TES: variants seen among roughly 807,000 people sequenced by gnomAD.
TES encodes testin LIM domain protein.
A neutral mutation model predicts 48.2 loss-of-function variants in TES; 41 were observed. The ratio of observed to expected loss-of-function variants is 0.85; its 90% CI spans 0.66 to 1.10. The LOEUF is 1.10. TES is among the 50% of genes least tolerant of loss of function. The pLI is 0.00. For missense variants in TES, 463 were observed against 515.1 expected (o/e 0.90, Z 0.98); for synonymous variants, 162 against 174.9 (o/e 0.93, Z 0.58).
At chr7:116,237,772 G>C (rs1245627614) in intron 2 of TES, among the ~76,000 whole-genome samples, 5 of 152,146 alleles carry the variant, frequency 3.3e-5, no homozygotes, top group Non-Finnish European at 7.4e-5. Flanking sequence ...TTCTGGTGAG[G>C]TCTCTCTTCC....
At chr7:116,231,814 G>A (rs1421758803) in intron 1 of TES, among the ~76,000 whole-genome samples, 1 of 152,140 alleles carries the variant, frequency 6.6e-6, no homozygotes, top group Non-Finnish European at 1.5e-5. Flanking sequence ...ATGCTGGTCA[G>A]CTGTGAAGCA....
At position 116,252,387 on chromosome 7, in the gene TES, G is replaced by C. The variant is rs778525930; in HGVS notation, c.988G>C (p.Asp330His). 1.2e-6 allele frequency: 2 copies of C among 1,614,210 alleles called. No individual in the cohort carries two copies. Among genetic ancestry groups the C allele is most frequent in the South Asian group, 2.2e-5 (2 of 91,078 alleles). ...GCACCTGAAACACTTCTGCTGCTTTGACTGTGATAGCATTCTAGCTGGGGA... is the reference window on the plus strand; with the variant it reads ...GCACCTGAAACACTTCTGCTGCTTTCACTGTGATAGCATTCTAGCTGGGGA... Reference protein sequence around the residue: ...NWHLKHFCCFDCDSILAGEIY... With the variant: ...NWHLKHFCCFHCDSILAGEIY... Residue 330 changes from aspartate to histidine, a missense_variant, in exon 6 of 7, where the codon GAC becomes CAC. Coordinates refer to ENST00000358204, the MANE Select transcript of TES (RefSeq NM_015641.4).
In TES at chr7:116,254,611, C is replaced by G. The variant is rs528514494; in HGVS notation, c.1077+2135C>G. On this transcript the variant is annotated intron_variant, in intron 6 of 6. Transcript: ENST00000358204. ...ATTAGCTGGGCGTGGTGGCAGGTGC[C>G]TGTAATTCCAGCTACTTGGGAGGCT... 1.3e-4 allele frequency among the ~76,000 whole-genome samples: 20 copies of G among 152,110 alleles called. No individual in the cohort carries two copies. In the South Asian group the frequency reaches 4.2e-3, roughly 32 times the overall value.
chr7:116,238,074 T>C (rs1799796959), intron 2 of TES: 1 of 152,232 alleles, frequency 6.6e-6, no homozygotes, highest in Non-Finnish European at 1.5e-5. Flanking sequence ...CCCCAAGTTG[T>C]TAGGAATCAT....
intron 2 of TES, 128 bp from the exon 3 acceptor site, chr7:116,248,890 TAA>T: frequency 5.4e-6 from 5 of 918,382 alleles, no homozygotes; most frequent in Non-Finnish European, 7.7e-6. Flanking sequence ...TTCTCCCTCC[TAA>T]AAAAGGACTT....
At chr7:116,249,954 A>G (rs1176730849) in intron 3 of TES, 1 of 395,416 alleles carries the variant, frequency 2.5e-6, no homozygotes, top group Non-Finnish European at 4.5e-6. Context: ...ATATAATTTC[A>G]TGGAGAGAAA....
chr7:116,211,325 G>A (rs886858763), intron 1 of TES: 1 of 152,214 alleles, frequency 6.6e-6, no homozygotes, highest in Admixed American at 6.5e-5. Flanking sequence ...CCGAGGCAGT[G>A]CCTCCCTCTT....
chr7:116,248,747 C>T (rs1799961143), intron 2 of TES, among the ~76,000 whole-genome samples: 2 of 152,014 alleles, frequency 1.3e-5, no homozygotes, highest in Admixed American at 1.3e-4. Flanking sequence ...GTCCTGTTGC[C>T]AGTTTCTTTT....
rs1411318007 is a variant in TES, at chr7:116,257,801, T to A, written c.*319T>A. The A allele has an allele frequency of 4.5e-5, 8 of 179,772 alleles. No homozygotes were observed. Among genetic ancestry groups the A allele is most frequent in the Non-Finnish European group, 9.3e-5 (8 of 85,958 alleles). The allele number at this position is 179,772 out of a possible 1,614,324, so 11.1% of individuals were successfully genotyped here. On this transcript the variant is annotated 3_prime_UTR_variant, in exon 7 of 7. Coordinates refer to ENST00000358204, the MANE Select transcript of TES (RefSeq NM_015641.4). ...TCCATTTGTGCCACACACTTAAAAG[T>A]TAGTGTACTGAATGGAAAGATGAGC...
intron 1 of TES, chr7:116,217,649 T>G: frequency 2.7e-6 from 1 of 372,322 alleles, no homozygotes; most frequent in Non-Finnish European, 5.3e-6. Context: ...TCAAAAACAT[T>G]GCAAAACTGC....
intron 1 of TES, among the ~76,000 whole-genome samples, chr7:116,216,592 A>C (rs1486899754): frequency 2.6e-5 from 4 of 151,782 alleles, no homozygotes; most frequent in African/African-American, 9.7e-5. Flanking sequence ...AATGAAGAAC[A>C]TATATGTATA....
intron 1 of TES, among the ~76,000 whole-genome samples, chr7:116,226,929 CAAAG>C (rs1342643752): frequency 6.6e-6 from 1 of 152,022 alleles, no homozygotes; most frequent in Non-Finnish European, 1.5e-5. Flanking sequence ...TTTTTATTAG[CAAAG>C]AAAGAGAAAT....
intron 1 of TES, among the ~76,000 whole-genome samples, chr7:116,218,600 A>G (rs1007092041): frequency 1.9e-4 from 29 of 152,144 alleles, no homozygotes; most frequent in Admixed American, 1.8e-3. Context: ...TTCGTAGAGA[A>G]TATTAAAAGT....
intron 1 of TES, chr7:116,217,805 A>G (rs776230033): frequency 5.8e-6 from 3 of 518,176 alleles, no homozygotes; most frequent in African/African-American, 5.8e-5. Context: ...CCCAACTACA[A>G]TCTTTGACTC....
intron 1 of TES, among the ~76,000 whole-genome samples, chr7:116,228,998 C>CTATATATATATATATATA (rs58514364): frequency 4.7e-4 from 52 of 110,112 alleles, no homozygotes; most frequent in African/African-American, 1.3e-3. Context: ...GTATCTATAA[C>CTATATATATATATATATA]TATATATATA....
chr7:116,230,079 C>G (rs556752027), intron 1 of TES, among the ~76,000 whole-genome samples: 1 of 152,246 alleles, frequency 6.6e-6, no homozygotes, highest in Admixed American at 6.5e-5. Context: ...CAGTCTGAAA[C>G]TCTAATTTCT....
intron 6 of TES, among the ~76,000 whole-genome samples, chr7:116,255,803 A>C (rs1289369621): frequency 6.6e-6 from 1 of 152,236 alleles, no homozygotes; most frequent in African/African-American, 2.4e-5. Context: ...GGAGAGGGAT[A>C]TCCTAATTAC....
Position 116,250,448 on chromosome 7 carries a change from A to T in TES, c.654A>T (p.Ala218=), listed in dbSNP as rs139344377. 2.8e-5 allele frequency: 45 copies of T among 1,593,044 alleles called. No homozygotes were observed. In the African/African-American group the frequency reaches 5.5e-4, roughly 20 times the overall value. ...GAGGGGATAGAAGCACCCCAGCAGC[A>T]GTGGGGGCCATGGAGGACAAATCTG... ...IPGGDRSTPA[A]VGAMEDKSAE... Residue 218 remains alanine (A), a synonymous_variant, in exon 4 of 7, where the codon GCA becomes GCT. Transcript: ENST00000358204.
At chr7:116,252,748 G>A in intron 6 of TES, 1 of 448,836 alleles carries the variant, frequency 2.2e-6, no homozygotes, top group South Asian at 2.3e-5. Flanking sequence ...ATTCTTAATG[G>A]GAATGAGATT....
Sources: gnomAD v4.1 joint callset for allele counts (sites outside exome capture counted in the v4.1 genomes callset) on GRCh38, gnomAD v4.1.1 for gene constraint, MANE v1.5 for transcripts, NCBI Gene and HGNC (gene_info 2026-07-23, HGNC 2026-07-21) for gene names.